The following TEX22 variants were observed in gnomAD, a reference collection of about 807,000 sequenced individuals.
TEX22 encodes testis-expressed protein 22.
A neutral mutation model predicts 11.3 loss-of-function variants in TEX22; 16 were observed. That is an observed-to-expected ratio of 1.42 (90% confidence interval 0.96 to 2.15). The LOEUF is 2.15. Ranked by LOEUF, TEX22 falls within the 30% of genes most tolerant of loss-of-function variation. TEX22 has a pLI of 0.00. For missense variants in TEX22, 220 were observed against 208.6 expected (o/e 1.05, Z -0.34); for synonymous variants, 97 against 92.3 (o/e 1.05, Z -0.29).
chr14:105,410,359 G>A (rs8014777), intron 2 of TEX22, among the ~76,000 whole-genome samples: 132,691 of 152,268 alleles, frequency 0.87, 60,783 homozygotes, highest in Non-Finnish European at 1. Context: ...TTACAGGCAT[G>A]AGCCACCACA....
chr14:105,401,564 A>C (rs1245857745), intron 2 of TEX22, among the ~76,000 whole-genome samples: 1 of 119,034 alleles, frequency 8.4e-6, no homozygotes, highest in African/African-American at 3.3e-5. Flanking sequence ...GGGGAACATC[A>C]CACACCGGGG....
rs587730561 is a variant in TEX22 at position 105,411,929 on chromosome 14, G to T, written c.*96G>T. 12 of 1,223,114 alleles carry T rather than the reference G, an allele frequency of 9.8e-6. No individual in the cohort carries two copies. The South Asian group carries it at 1.8e-4, about 19-fold the overall frequency. 75.8% of individuals were successfully genotyped at this position (1,223,114 alleles called of 1,614,324 possible). Reference sequence around the variant, plus strand: ...CGCCTTCTTTGTGCCCCACCAGGGGGTCACCACCCACCCATGTTAGGAAAA... The same window carrying T: ...CGCCTTCTTTGTGCCCCACCAGGGGTTCACCACCCACCCATGTTAGGAAAA... On this transcript the variant is annotated 3_prime_UTR_variant, in exon 4 of 4. Transcript: ENST00000451127.
At position 105,399,292 on chromosome 14, in the gene TEX22, C is replaced by T; in HGVS notation, c.-39-10C>T. The T allele has an allele frequency of 6.7e-7, 1 of 1,485,606 alleles. No individual in the cohort carries two copies. Among genetic ancestry groups the T allele is most frequent in the Non-Finnish European group, 9.0e-7 (1 of 1,114,596 alleles). The allele number at this position is 1,485,606 out of a possible 1,614,324, so 92.0% of individuals were successfully genotyped here. ...GGCCCCGCCCCACCTCCCCCTGCTC[C>T]TACCCCCAGATCTCAGAGGTGTGGA... On this transcript the variant is annotated splice_polypyrimidine_tract_variant and intron_variant, in intron 1 of 3. Transcript: ENST00000451127.
At chr14:105,399,272 CGCCCCACCT>C in intron 1 of TEX22, 21 bp from the exon 2 acceptor site, 1 of 1,292,360 alleles carries the variant, frequency 7.7e-7, no homozygotes, top group Non-Finnish European at 1.1e-6. Context: ...TTGTGGGCCC[CGCCCCACCT>C]CCCCCTGCTC....
At chr14:105,409,291 C>T (rs1196030952) in intron 2 of TEX22, among the ~76,000 whole-genome samples, 3 of 152,016 alleles carry the variant, frequency 2.0e-5, no homozygotes. Flanking sequence ...CAGCTTCCTC[C>T]AAAAGGGTTC....
chr14:105,403,013 G>A (rs10147154), intron 2 of TEX22, among the ~76,000 whole-genome samples: 17,222 of 152,078 alleles, frequency 0.11, 3,266 homozygotes, highest in African/African-American at 0.39. Context: ...GCAGGAAGGA[G>A]TTTGAGGCGA....
At chr14:105,403,655 C>T (rs1255379349) in intron 2 of TEX22, among the ~76,000 whole-genome samples, 3 of 152,196 alleles carry the variant, frequency 2.0e-5, no homozygotes, top group African/African-American at 2.4e-5. Flanking sequence ...GAACTGGGCT[C>T]ATGTGATCCT....
chr14:105,409,501 CTTTT>C (rs1232769820), intron 2 of TEX22, among the ~76,000 whole-genome samples: 2 of 132,594 alleles, frequency 1.5e-5, no homozygotes. Context: ...TCTTCTTCTT[CTTTT>C]TTTTTTTTTT....
chr14:105,411,904 C>T lies in TEX22; in HGVS notation c.*71C>T, dbSNP rs1388859076. 4 of 1,352,332 alleles carry T rather than the reference C, an allele frequency of 3.0e-6. No homozygotes were observed. Among genetic ancestry groups the T allele is most frequent in the African/African-American group, 1.5e-5 (1 of 65,146 alleles). 83.8% of individuals were successfully genotyped at this position (1,352,332 alleles called of 1,614,324 possible). ...GGGCCCACGGTGGGGGCAGCCTCTG[C>T]GCCTTCTTTGTGCCCCACCAGGGGG... On this transcript the variant is annotated 3_prime_UTR_variant, in exon 4 of 4. Transcript: ENST00000451127.
At chr14:105,402,310 C>A (rs1314675816) in intron 2 of TEX22, among the ~76,000 whole-genome samples, 2 of 152,076 alleles carry the variant, frequency 1.3e-5, no homozygotes, top group Non-Finnish European at 2.9e-5. Context: ...CTTGGAAAAT[C>A]CAATTTAAGA....
At chr14:105,400,830 A>G (rs782726301) in intron 2 of TEX22, among the ~76,000 whole-genome samples, 1 of 152,088 alleles carries the variant, frequency 6.6e-6, no homozygotes, top group South Asian at 2.1e-4. Flanking sequence ...GGGACAGGGA[A>G]TCTTCCCTAA....
At chr14:105,411,035 C>T (rs1438956276) in intron 2 of TEX22, among the ~76,000 whole-genome samples, 3 of 152,262 alleles carry the variant, frequency 2.0e-5, no homozygotes, top group Non-Finnish European at 4.4e-5. Context: ...TCCTGAGGCA[C>T]GCATCAGTGC....
Position 105,413,012 on chromosome 14 carries a change from T to A in TEX22, c.*1179T>A, listed in dbSNP as rs1447641888. 1 of 152,312 alleles carries A rather than the reference T, an allele frequency of 6.6e-6. No individual in the cohort carries two copies. The highest frequency in any genetic ancestry group is 2.4e-5 in the African/African-American group (1 of 41,398). 9.4% of individuals were successfully genotyped at this position (152,312 alleles called of 1,614,324 possible). On this transcript the variant is annotated 3_prime_UTR_variant, in exon 4 of 4. Transcript: ENST00000451127. This position sits in a 1 kb window ranked among gnomAD's most constrained non-coding sequence, Gnocchi z 4.2. ...GAGTTGAATCCTCTGCACCTGCCTGTCTCCCCTTCTTACTGTAAGACTCAG... is the reference window on the plus strand; with the variant it reads ...GAGTTGAATCCTCTGCACCTGCCTGACTCCCCTTCTTACTGTAAGACTCAG...
intron 1 of TEX22, 87 bp from the exon 2 acceptor site, chr14:105,399,212 GCCA>G (rs1319266520): frequency 6.8e-6 from 5 of 736,384 alleles, no homozygotes; most frequent in Non-Finnish European, 6.6e-6. Context: ...CCGCGATACT[GCCA>G]CCATCTGCCC....
intron 2 of TEX22, among the ~76,000 whole-genome samples, chr14:105,410,694 G>A (rs1454744198): frequency 6.6e-6 from 1 of 152,194 alleles, no homozygotes; most frequent in African/African-American, 2.4e-5. Flanking sequence ...CCTTCCCCCT[G>A]GTGAGGGAGG....
chr14:105,403,808 A>AT (rs1555418653), intron 2 of TEX22, among the ~76,000 whole-genome samples: 2 of 152,224 alleles, frequency 1.3e-5, no homozygotes, highest in Non-Finnish European at 2.9e-5. Context: ...TGAAAATTTC[A>AT]TTTTAAATGT....
chr14:105,401,924 G>A (rs1324777772), intron 2 of TEX22, among the ~76,000 whole-genome samples: 1 of 152,216 alleles, frequency 6.6e-6, no homozygotes, highest in East Asian at 1.9e-4. Context: ...GGTGGCTCAT[G>A]CCTGTAATCC....
intron 2 of TEX22, among the ~76,000 whole-genome samples, chr14:105,404,528 GA>G (rs2081649205): frequency 6.6e-6 from 1 of 152,210 alleles, no homozygotes; most frequent in Non-Finnish European, 1.5e-5. Context: ...TACGCTTTAA[GA>G]AATTATGTAC....
chr14:105,408,767 C>T (rs1471326551), intron 2 of TEX22, among the ~76,000 whole-genome samples: 2 of 152,120 alleles, frequency 1.3e-5, no homozygotes, highest in African/African-American at 4.8e-5. Context: ...TCTGTCCATG[C>T]CCCACCGCAG....
Sources: gnomAD v4.1 joint callset for allele counts (sites outside exome capture counted in the v4.1 genomes callset) on GRCh38, gnomAD v4.1.1 for gene constraint, Gnocchi (gnomAD v3.1) non-coding constraint, MANE v1.5 for transcripts, NCBI Gene and HGNC (gene_info 2026-07-23, HGNC 2026-07-21) for gene names.